CFAP61: variants seen among roughly 807,000 people sequenced by gnomAD.
The protein encoded by CFAP61 is cilia- and flagella-associated protein 61.
Under a neutral mutation model 135.6 loss-of-function variants are expected in CFAP61, and 107 were observed. That is an observed-to-expected ratio of 0.79 (90% CI 0.67 to 0.93). CFAP61 has a LOEUF of 0.93. CFAP61 is among the 40% of genes least tolerant of loss of function. CFAP61 has a pLI of 0.00. For missense variants in CFAP61, 1,507 were observed against 1,556.2 expected, an observed-to-expected ratio of 0.97 and a Z score of 0.53; for synonymous variants, 575 against 578.5, an observed-to-expected ratio of 0.99 and a Z score of 0.09.
At chr20:20,095,941 C>A (rs148466142) in intron 7 of CFAP61, among the ~76,000 whole-genome samples, 3 of 152,112 alleles carry the variant, frequency 2.0e-5, no homozygotes, top group African/African-American at 7.2e-5. Context: ...GAAGACAAGG[C>A]CACAGTACAC....
chr20:20,341,851 G>T lies in CFAP61; in HGVS notation c.3443G>T (p.Cys1148Phe). The change falls in exon 26 of 27, where the codon TGC (cysteine) becomes TTC (phenylalanine). Residue 1148 changes from cysteine (C) to phenylalanine (F), a missense_variant. By Grantham distance (205) the Cys-to-Phe change is radical (BLOSUM62 -2). Transcript: ENST00000245957. ...ACCAGCTACTTCACCGAGCCGTGGT[G>T]CCTGGCCCTGTTCCACGATCGTTTT... ...DLYSYFTEPWCLALFHDRFID... is the reference protein window; with the variant it reads ...DLYSYFTEPWFLALFHDRFID... 2.5e-6 allele frequency: 4 copies of T among 1,613,608 alleles called. No homozygotes were observed. Among genetic ancestry groups the T allele is most frequent in the Non-Finnish European group, 3.4e-6 (4 of 1,179,888 alleles).
At chr20:20,158,221 C>T (rs996484014) in intron 9 of CFAP61, among the ~76,000 whole-genome samples, 86 of 151,008 alleles carry the variant, frequency 5.7e-4, no homozygotes, top group Non-Finnish European at 9.0e-4. Context: ...TGCACATGTA[C>T]CCTAAAACTT....
At chr20:20,154,604 G>A (rs2052728678) in intron 9 of CFAP61, among the ~76,000 whole-genome samples, 1 of 151,686 alleles carries the variant, frequency 6.6e-6, no homozygotes, top group Non-Finnish European at 1.5e-5. Context: ...TTTTACAACA[G>A]CTGCCAAACA....
At chr20:20,332,840 C>T (rs2122316449) in intron 25 of CFAP61, among the ~76,000 whole-genome samples, 1 of 152,304 alleles carries the variant, frequency 6.6e-6, no homozygotes, top group East Asian at 1.9e-4. Flanking sequence ...AGACTGGTCT[C>T]AAGCTCCTGT....
intron 17 of CFAP61, among the ~76,000 whole-genome samples, chr20:20,214,900 A>T (rs1025710243): frequency 2.6e-5 from 4 of 152,228 alleles, no homozygotes; most frequent in African/African-American, 9.6e-5. Flanking sequence ...AGGAGAGTGG[A>T]GAGAGAGAAG....
intron 12 of CFAP61, among the ~76,000 whole-genome samples, chr20:20,168,288 C>T (rs2053976686): frequency 3.9e-5 from 6 of 152,208 alleles, no homozygotes; most frequent in Admixed American, 3.9e-4. Flanking sequence ...GGCTCGAACT[C>T]CTGGGCTCAA....
chr20:20,293,817 A>G (rs1247928753), intron 24 of CFAP61, among the ~76,000 whole-genome samples: 1 of 152,192 alleles, frequency 6.6e-6, no homozygotes, highest in African/African-American at 2.4e-5. Flanking sequence ...GAAGAAAGAA[A>G]TTTGTCACAA....
intron 8 of CFAP61, among the ~76,000 whole-genome samples, chr20:20,119,896 G>T (rs1381317304): frequency 6.6e-6 from 1 of 152,126 alleles, no homozygotes; most frequent in Non-Finnish European, 1.5e-5. Context: ...TGGAGTATTT[G>T]GTTTTCTGTT....
chr20:20,171,758 T>C, intron 13 of CFAP61: 1 of 696,294 alleles, frequency 1.4e-6, no homozygotes, highest in South Asian at 1.6e-5. Context: ...TATAATCCTT[T>C]GTGTTTTATT....
chr20:20,053,844 T>G (rs555346912), intron 1 of CFAP61, among the ~76,000 whole-genome samples: 22 of 152,242 alleles, frequency 1.4e-4, no homozygotes, highest in African/African-American at 5.3e-4. Flanking sequence ...TCCTTAAATG[T>G]GTTACTGTAA....
intron 9 of CFAP61, among the ~76,000 whole-genome samples, chr20:20,145,862 G>A (rs1403065927): frequency 6.6e-6 from 1 of 152,230 alleles, no homozygotes; most frequent in Non-Finnish European, 1.5e-5. Context: ...GCAAAAAGTT[G>A]TAGAACTGCA....
At chr20:20,167,544 G>A (rs6046683) in intron 12 of CFAP61, among the ~76,000 whole-genome samples, 136,966 of 152,242 alleles carry the variant, frequency 0.9, 62,430 homozygotes, top group Middle Eastern at 0.99. Flanking sequence ...ATTTGACTTC[G>A]GAACATGGAC....
intron 26 of CFAP61, among the ~76,000 whole-genome samples, chr20:20,352,838 T>C (rs1480215838): frequency 6.6e-6 from 1 of 152,076 alleles, no homozygotes; most frequent in Non-Finnish European, 1.5e-5. Flanking sequence ...AACAGACAAG[T>C]GGGTCTACAT....
At chr20:20,263,339 G>C (rs1007184543) in intron 21 of CFAP61, among the ~76,000 whole-genome samples, 1 of 152,200 alleles carries the variant, frequency 6.6e-6, no homozygotes, top group African/African-American at 2.4e-5. Flanking sequence ...AAAAAAGCTT[G>C]AGATAGTTTA....
intron 15 of CFAP61, among the ~76,000 whole-genome samples, chr20:20,194,940 G>T (rs2056182902): frequency 6.6e-6 from 1 of 152,146 alleles, no homozygotes; most frequent in African/African-American, 2.4e-5. Context: ...GATGCACATG[G>T]CCCATCTGCT....
At chr20:20,347,749 A>G (rs1198500254) in intron 26 of CFAP61, among the ~76,000 whole-genome samples, 1 of 152,126 alleles carries the variant, frequency 6.6e-6, no homozygotes, top group African/African-American at 2.4e-5. Flanking sequence ...CCTGACCAAC[A>G]TGGTGAAACC....
chr20:20,298,257 A>C lies in CFAP61; in HGVS notation c.3293A>C (p.Glu1098Ala), dbSNP rs751750047. ...CATATTAACAAGTATAAAATGGTGG[A>C]AACCATCACGTGCCTTTCTAGGGAG... ...RIHINKYKMV[E>A]TITCLSREPF... Residue 1098 changes from glutamate (E) to alanine (A), a missense_variant, in exon 25 of 27, where the codon GAA (glutamate) becomes GCA (alanine). Glu to Ala is a moderately radical substitution (Grantham distance 107). Transcript: ENST00000245957. The C allele has an allele frequency of 4.6e-5, 74 of 1,614,016 alleles. 1 individual carries two copies. In the Middle Eastern group the frequency reaches 6.6e-4, roughly 14 times the overall value.
intron 9 of CFAP61, among the ~76,000 whole-genome samples, chr20:20,146,114 A>G (rs1303045891): frequency 6.6e-6 from 1 of 152,220 alleles, no homozygotes; most frequent in African/African-American, 2.4e-5. Context: ...GGCTGAGGGA[A>G]GTGCTCTCTG....
In CFAP61 at chr20:20,298,264, C is replaced by T; in HGVS notation, c.3300C>T (p.Ile1100=). ...ACAAGTATAAAATGGTGGAAACCAT[C>T]ACGTGCCTTTCTAGGGAGCCCTTCC... ...HINKYKMVET[I]TCLSREPFPA... is the part of the protein sequence containing the mutation. The change falls in exon 25 of 27, where the codon ATC becomes ATT. Residue 1100 remains isoleucine (I), a synonymous_variant. Coordinates refer to ENST00000245957, the MANE Select transcript of CFAP61 (RefSeq NM_015585.4). 6.2e-7 allele frequency: 1 copy of T among 1,614,008 alleles called. No individual in the cohort carries two copies.
Sources: gnomAD v4.1 joint callset for allele counts (sites outside exome capture counted in the v4.1 genomes callset) on GRCh38, gnomAD v4.1.1 for gene constraint, MANE v1.5 for transcripts, NCBI Gene and HGNC (gene_info 2026-07-23, HGNC 2026-07-21) for gene names.